The following GRIN1 variants were observed in gnomAD, a reference collection of about 807,000 sequenced individuals.
GRIN1 encodes glutamate ionotropic receptor NMDA type subunit 1.
Under a neutral mutation model 103.0 loss-of-function variants are expected in GRIN1, and 38 were observed. The ratio of observed to expected loss-of-function variants is 0.37; its 90% confidence interval spans 0.28 to 0.48. The LOEUF (loss-of-function observed/expected upper bound fraction) is 0.48. Ranked by LOEUF, GRIN1 falls within the 20% of genes least tolerant of loss-of-function variation. The pLI is 0.98. For synonymous variants in GRIN1, 544 were observed against 532.7 expected, an observed-to-expected ratio of 1.02 and a Z score of -0.29; for missense variants, 577 against 1,288.9, an observed-to-expected ratio of 0.45 and a Z score of 8.46.
chr9:137,164,059 A>C, intron 18 of GRIN1, 155 bp downstream of exon 18: 1 of 924,028 alleles, frequency 1.1e-6, no homozygotes, highest in Non-Finnish European at 1.7e-6. Flanking sequence ...CTCCCAGGGC[A>C]CGGGGGCAGC....
At chr9:137,144,451 G>C (rs749165664) in intron 2 of GRIN1, among the ~76,000 whole-genome samples, 3 of 151,842 alleles carry the variant, frequency 2.0e-5, no homozygotes, top group Admixed American at 1.3e-4. Context: ...TCAGGAGATC[G>C]AGACCATCCT....
At chr9:137,151,168 C>A (rs1167568982) in intron 4 of GRIN1, among the ~76,000 whole-genome samples, 7 of 144,560 alleles carry the variant, frequency 4.8e-5, no homozygotes, top group Non-Finnish European at 1.1e-4. Context: ...CAGGGAAAGC[C>A]CCGCCCAGGG....
rs1434508676 is a variant in GRIN1 at position 137,162,264 on chromosome 9, G to T, written c.1725G>T (p.Val575=). 1 of 1,546,890 alleles carries T rather than the reference G, an allele frequency of 6.5e-7. No individual in the cohort carries two copies. The highest frequency in any genetic ancestry group is 1.9e-5 in the Admixed American group (1 of 51,574). ...LVGLSVHVVA[V]MLYLLDRFSP... is the part of the protein sequence containing the mutation. ...GGCTGTCGGTGCACGTGGTGGCCGT[G>T]ATGCTGTACCTGCTGGACCGCTTCA... is the stretch of plus-strand genomic sequence containing the variant. The change falls in exon 12 of 20, where the codon GTG becomes GTT. Residue 575 remains valine, a synonymous_variant. Transcript: ENST00000371561.
chr9:137,157,034 A>G lies in GRIN1; in HGVS notation c.965A>G (p.Lys322Arg). ...TNIWKTGPLF[K>R]RVLMSSKYAD... The stretch of plus-strand genomic sequence containing the variant: ...ATCTGGAAGACCGGGCCGCTCTTCA[A>G]GAGGTGGGCGGGGCCTCCCCGGAGC... Residue 322 changes from lysine to arginine, a missense_variant, in exon 6 of 20, where the codon AAG (lysine) becomes AGG (arginine). Lys to Arg is a conservative substitution (Grantham distance 26). Coordinates refer to ENST00000371561, the MANE Select transcript of GRIN1 (RefSeq NM_007327.4). 1 of 1,424,894 alleles carries G rather than the reference A, an allele frequency of 7.0e-7. No homozygotes were observed. The highest frequency in any genetic ancestry group is 9.4e-7 in the Non-Finnish European group (1 of 1,063,790). The allele number at this position is 1,424,894 out of a possible 1,614,324, so 88.3% of individuals were successfully genotyped here.
Position 137,146,543 on chromosome 9 carries a change from GACC to G in GRIN1, c.570+642_570+644del, listed in dbSNP as rs1832542797. 3.3e-5 allele frequency among the ~76,000 whole-genome samples: 5 copies of G among 152,154 alleles called. No homozygotes were observed. Among genetic ancestry groups the G allele is most frequent in the Admixed American group, 3.3e-4 (5 of 15,278 alleles). On this transcript the variant is annotated intron_variant, in intron 3 of 19. Transcript: ENST00000371561. This position sits in a 1 kb window ranked among gnomAD's most constrained non-coding sequence, Gnocchi z 6.7. ...TAGCCACCTGGTTCTAGGACACACT[GACC>G]CCCAACACAGCCAGGCGTCCACTCT...
chr9:137,165,409 CCT>C (rs1328657576), intron 19 of GRIN1, 113 bp downstream of exon 19: 8 of 750,386 alleles, frequency 1.1e-5, no homozygotes, highest in South Asian at 2.8e-5. Flanking sequence ...CCACTCTGCC[CCT>C]GTCTCCCTGT....
intron 4 of GRIN1, among the ~76,000 whole-genome samples, chr9:137,151,899 CT>C (rs138380793): frequency 0.018 from 1,659 of 93,400 alleles, 29 homozygotes; most frequent in African/African-American, 0.065. Context: ...CTTGTGGCCT[CT>C]TTTTTTTTTT....
chr9:137,162,374 T>C (rs761254403), intron 12 of GRIN1, 30 bp from the exon 13 acceptor site: 2 of 1,557,734 alleles, frequency 1.3e-6, no homozygotes, highest in East Asian at 2.3e-5. Flanking sequence ...TCTCCCGCCC[T>C]CTCTCCCGCC....
In GRIN1 at chr9:137,168,130, C is replaced by T; in HGVS notation, c.*603C>T. 1.9e-6 allele frequency: 1 copy of T among 534,080 alleles called. No individual in the cohort carries two copies. The highest frequency in any genetic ancestry group is 2.2e-5 in the South Asian group (1 of 45,964). 33.1% of individuals were successfully genotyped at this position (534,080 alleles called of 1,614,324 possible). ...CTGAGCAGTGGGGAGCGGGGGCTAA[C>T]TGGCCCCAGGCGGAGGGGCTTGGAG... On this transcript the variant is annotated 3_prime_UTR_variant, in exon 20 of 20. Coordinates refer to ENST00000371561, the MANE Select transcript of GRIN1 (RefSeq NM_007327.4).
intron 2 of GRIN1, among the ~76,000 whole-genome samples, chr9:137,143,935 G>T (rs563795121): frequency 2.6e-5 from 4 of 152,250 alleles, no homozygotes; most frequent in Admixed American, 1.3e-4. Flanking sequence ...ACGGCACTCC[G>T]TGGCAGCTTG....
Position 137,158,503 on chromosome 9 carries a change from G to A in GRIN1, c.1093G>A (p.Gly365Ser). ...NLQNRKLVQVGIYNGTHVIPN... is the reference protein window; with the variant it reads ...NLQNRKLVQVSIYNGTHVIPN... ...GCAGAACCGCAAGCTGGTGCAAGTG[G>A]GCATCTACAATGGCACCCACGTAGG... Residue 365 changes from glycine to serine, a missense_variant, in exon 7 of 20, where the codon GGC becomes AGC. Physicochemically the swap from Gly to Ser is moderately conservative, Grantham distance 56. Coordinates refer to ENST00000371561, the MANE Select transcript of GRIN1 (RefSeq NM_007327.4). 6.2e-7 allele frequency: 1 copy of A among 1,613,224 alleles called. No homozygotes were observed. The highest frequency in any genetic ancestry group is 8.5e-7 in the Non-Finnish European group (1 of 1,179,974).
rs1832073160 is a variant in GRIN1 at position 137,139,915 on chromosome 9, T to G, written c.258+171T>G. Among the ~76,000 whole-genome samples the G allele has an allele frequency of 1.3e-5, 2 of 152,160 alleles. No homozygotes were observed. The highest frequency in any genetic ancestry group is 3.4e-3 in the Middle Eastern group (1 of 294). ...TCTCACTAGGAACCAAACACCAGGG[T>G]CTGCTGGCTCCCCTATCTTGGCCTG... On this transcript the variant is annotated intron_variant, in intron 1 of 19. Coordinates refer to ENST00000371561, the MANE Select transcript of GRIN1 (RefSeq NM_007327.4). This position sits in a 1 kb window ranked among gnomAD's most constrained non-coding sequence, Gnocchi z 7.7.
chr9:137,158,299 A>G, intron 6 of GRIN1, 80 bp from the exon 7 acceptor site: 10 of 1,478,478 alleles, frequency 6.8e-6, no homozygotes, highest in Non-Finnish European at 8.5e-6. Flanking sequence ...AGGAGCAGGG[A>G]GAAGCAGCAG....
intron 6 of GRIN1, 79 bp downstream of exon 6, chr9:137,157,116 GCTCTTGGGGAGGTGGGCGGGGCCA>G (rs1833275778): frequency 8.7e-7 from 1 of 1,147,916 alleles, no homozygotes; most frequent in Non-Finnish European, 1.2e-6. Flanking sequence ...GGGCGGGGCC[GCTCTTGGGGAGGTGGGCGGGGCCA>G]CTCTCCAGAG....
At position 137,141,658 on chromosome 9, in the gene GRIN1, T is replaced by C. The variant is rs148667310; in HGVS notation, c.259-355T>C. On this transcript the variant is annotated intron_variant, in intron 1 of 19. Coordinates refer to ENST00000371561, the MANE Select transcript of GRIN1 (RefSeq NM_007327.4). ...AGGAAGGACGGGTGGGTTCTGAGAA[T>C]CAAGGCCATCATGATGCAGGACCAG... is the stretch of plus-strand genomic sequence containing the variant. 2.3e-3 allele frequency among the ~76,000 whole-genome samples: 355 copies of C among 152,140 alleles called. 3 individuals carry two copies. The highest frequency in any genetic ancestry group is 7.9e-3 in the East Asian group (41 of 5,164).
intron 8 of GRIN1, 38 bp downstream of exon 8, chr9:137,158,742 C>G: frequency 2.1e-6 from 3 of 1,440,600 alleles, no homozygotes; most frequent in Non-Finnish European, 2.0e-6. Flanking sequence ...GTCCCCACCC[C>G]AGACAGCCCA....
chr9:137,145,419 G>T, intron 2 of GRIN1, among the ~76,000 whole-genome samples: 1 of 129,894 alleles, frequency 7.7e-6, no homozygotes, highest in Non-Finnish European at 1.7e-5. Flanking sequence ...AGTGTCCCCA[G>T]GGTGGCAGGG....
rs367543119 is a variant in GRIN1, at chr9:137,165,233, A to G, written c.2637A>G (p.Thr879=). The change falls in exon 19 of 20, where the codon ACA becomes ACG. Residue 879 remains threonine (T), a synonymous_variant. Transcript: ENST00000371561. ...AGCCTGACCCTAAAAAGAAAGCCAC[A>G]TTTAGGGCTATCACCTCCACCCTGG... The part of the protein sequence containing the change: ...RAEPDPKKKA[T]FRAITSTLAS... The G allele has an allele frequency of 1.2e-6, 2 of 1,612,736 alleles. No homozygotes were observed. Among genetic ancestry groups the G allele is most frequent in the Non-Finnish European group, 8.5e-7 (1 of 1,179,556 alleles).
chr9:137,156,655 C>G lies in GRIN1; in HGVS notation c.672-14C>G, dbSNP rs201225024. On this transcript the variant is annotated splice_polypyrimidine_tract_variant and intron_variant, in intron 4 of 19. Transcript: ENST00000371561. ...TGCTGGAGTCCTGGCCCGTCATCCCCGTCTGCCCCACAGCGAGGACGATGC... is the reference window on the plus strand; with the variant it reads ...TGCTGGAGTCCTGGCCCGTCATCCCGGTCTGCCCCACAGCGAGGACGATGC... 2.5e-5 allele frequency: 40 copies of G among 1,599,212 alleles called. No individual in the cohort carries two copies. The South Asian group carries it at 3.0e-4, about 12-fold the overall frequency.
Sources: allele counts gnomAD v4.1 joint callset (sites outside exome capture counted in the v4.1 genomes callset), GRCh38; gene constraint gnomAD v4.1.1; non-coding constraint Gnocchi (gnomAD v3.1); transcripts MANE v1.5; gene names NCBI Gene and HGNC (gene_info 2026-07-23, HGNC 2026-07-21).